The following MRPS31 variants were observed in gnomAD, a reference collection of about 807,000 sequenced individuals.
The protein encoded by MRPS31 is small ribosomal subunit protein mS31.
Under a neutral mutation model 43.1 loss-of-function variants are expected in MRPS31, and 32 were observed. That is an observed-to-expected ratio of 0.74 (90% CI 0.56 to 1.00). The LOEUF (loss-of-function observed/expected upper bound fraction) is 1.00. MRPS31 is among the 50% of genes least tolerant of loss of function. MRPS31 has a pLI of 0.00. For synonymous variants in MRPS31, 165 were observed against 161.6 expected (o/e 1.02, Z -0.16); for missense variants, 437 against 466.7 (o/e 0.94, Z 0.59).
At chr13:40,764,802 G>T (rs1880796485) in intron 2 of MRPS31, among the ~76,000 whole-genome samples, 1 of 152,170 alleles carries the variant, frequency 6.6e-6, no homozygotes. Context: ...TTCCAACTGA[G>T]GCCCCAGACA....
At chr13:40,761,124 C>T (rs1880683771) in intron 2 of MRPS31, among the ~76,000 whole-genome samples, 1 of 151,240 alleles carries the variant, frequency 6.6e-6, no homozygotes, top group South Asian at 2.1e-4. Flanking sequence ...AAAAATTAGC[C>T]AGGTGTGGTG....
intron 6 of MRPS31, among the ~76,000 whole-genome samples, chr13:40,736,928 A>G (rs1344027480): frequency 6.0e-5 from 9 of 150,698 alleles, no homozygotes; most frequent in Admixed American, 1.3e-4. Flanking sequence ...TTCACACATA[A>G]CAATATTAAC....
intron 6 of MRPS31, among the ~76,000 whole-genome samples, chr13:40,730,707 C>T (rs1284482697): frequency 6.6e-6 from 1 of 151,596 alleles, no homozygotes; most frequent in African/African-American, 2.4e-5. Flanking sequence ...ATTACAGGCG[C>T]CTGCCACCAC....
intron 6 of MRPS31, among the ~76,000 whole-genome samples, chr13:40,739,763 C>T (rs1880029248): frequency 6.6e-6 from 1 of 150,998 alleles, no homozygotes; most frequent in Admixed American, 6.6e-5. Context: ...TGGATCCCTT[C>T]CTTACACCTT....
chr13:40,749,093 A>T, intron 6 of MRPS31, 45 bp downstream of exon 6: 1 of 1,544,770 alleles, frequency 6.5e-7, no homozygotes, highest in East Asian at 2.4e-5. Flanking sequence ...TGGCAGAAAT[A>T]ATCTCAATCA....
At chr13:40,766,218 C>T (rs1385504843) in intron 2 of MRPS31, among the ~76,000 whole-genome samples, 1 of 152,160 alleles carries the variant, frequency 6.6e-6, no homozygotes, top group African/African-American at 2.4e-5. Flanking sequence ...CCTTTCCTTT[C>T]TCTGGATTGT....
At chr13:40,732,008 A>G (rs1023968876) in intron 6 of MRPS31, among the ~76,000 whole-genome samples, 24 of 152,344 alleles carry the variant, frequency 1.6e-4, no homozygotes, top group African/African-American at 4.6e-4. Flanking sequence ...AGGGTATACT[A>G]TATACAAAAA....
At chr13:40,736,859 A>C (rs1248008298) in intron 6 of MRPS31, among the ~76,000 whole-genome samples, 4 of 150,594 alleles carry the variant, frequency 2.7e-5, no homozygotes, top group South Asian at 4.2e-4. Context: ...AAGACTAGGA[A>C]GAAACTGCAT....
intron 2 of MRPS31, among the ~76,000 whole-genome samples, chr13:40,765,367 A>G (rs185707695): frequency 3.2e-4 from 49 of 152,332 alleles, no homozygotes; most frequent in Middle Eastern, 3.4e-3. Context: ...AAAAATTTTA[A>G]ATGACCTTTA....
chr13:40,759,017 A>G lies in MRPS31; in HGVS notation c.530T>C (p.Leu177Pro), dbSNP rs1361145095. 5 of 1,608,558 alleles carry G rather than the reference A, an allele frequency of 3.1e-6. No homozygotes were observed. Among genetic ancestry groups the G allele is most frequent in the Middle Eastern group, 1.7e-4 (1 of 6,050 alleles). The change falls in exon 3 of 7, where the codon CTG (leucine) becomes CCG (proline). Residue 177 changes from leucine to proline, a missense_variant. Transcript: ENST00000323563. ...PFDKQTTKSE[L>P]LSQLQQHEEE... The stretch of plus-strand genomic sequence containing the variant: ...CTCATGCTGCTGGAGCTGGCTCAGC[A>G]GCTCTGACTTGGTTGTTTGCTTATC...
chr13:40,755,035 G>A lies in MRPS31; in HGVS notation c.741-943C>T, dbSNP rs572464007. On this transcript the variant is annotated intron_variant, in intron 4 of 6. Transcript: ENST00000323563. ...GGCGATAAGAGCGAGACTCCGTCTC[G>A]AAGAAAAATAAAAAATAATAAACTG... Among the ~76,000 whole-genome samples, 174 of 152,104 alleles carry A rather than the reference G, an allele frequency of 1.1e-3. 2 individuals are homozygous for A. Among genetic ancestry groups the A allele is most frequent in the Non-Finnish European group, 1.6e-3 (110 of 68,002 alleles).
intron 5 of MRPS31, among the ~76,000 whole-genome samples, chr13:40,750,473 T>C (rs192641950): frequency 7.9e-5 from 12 of 152,172 alleles, no homozygotes; most frequent in Non-Finnish European, 1.8e-4. Context: ...TGGGTGTATA[T>C]ATTTGTCAAA....
intron 3 of MRPS31, among the ~76,000 whole-genome samples, chr13:40,757,740 G>C (rs1344283920): frequency 6.8e-6 from 1 of 145,988 alleles, no homozygotes; most frequent in Non-Finnish European, 1.5e-5. Context: ...CAGTGCGCCT[G>C]GCTTTTTTTT....
chr13:40,733,369 G>C (rs1879768259), intron 6 of MRPS31, among the ~76,000 whole-genome samples: 1 of 152,074 alleles, frequency 6.6e-6, no homozygotes, highest in Non-Finnish European at 1.5e-5. Flanking sequence ...TAAGATAATA[G>C]TTAAAGAATG....
intron 6 of MRPS31, among the ~76,000 whole-genome samples, chr13:40,740,027 C>T (rs1179538895): frequency 1.3e-5 from 2 of 149,136 alleles, no homozygotes; most frequent in Non-Finnish European, 1.5e-5. Flanking sequence ...AGAAAATTTT[C>T]GCAACCTACT....
chr13:40,748,265 C>A, intron 6 of MRPS31, among the ~76,000 whole-genome samples: 1 of 152,152 alleles, frequency 6.6e-6, no homozygotes, highest in East Asian at 1.9e-4. Flanking sequence ...TCAAACGATT[C>A]TCCTGCCTCA....
At chr13:40,734,332 G>A (rs1191728820) in intron 6 of MRPS31, among the ~76,000 whole-genome samples, 6 of 152,168 alleles carry the variant, frequency 3.9e-5, no homozygotes, top group Non-Finnish European at 7.3e-5. Context: ...GAAGTCCCAG[G>A]AGGAGGGCAA....
chr13:40,740,920 AAAACTT>A (rs1431333004), intron 6 of MRPS31, among the ~76,000 whole-genome samples: 1 of 149,110 alleles, frequency 6.7e-6, no homozygotes, highest in East Asian at 2.0e-4. Flanking sequence ...CATGTACCCT[AAAACTT>A]AAAGTATAAT....
intron 6 of MRPS31, among the ~76,000 whole-genome samples, chr13:40,734,155 CTA>C (rs2137992257): frequency 6.6e-6 from 1 of 152,128 alleles, no homozygotes; most frequent in East Asian, 1.9e-4. Flanking sequence ...TGAAATAAAA[CTA>C]TTTCCAATCT....
Sources: allele counts gnomAD v4.1 joint callset (sites outside exome capture counted in the v4.1 genomes callset), GRCh38; gene constraint gnomAD v4.1.1; transcripts MANE v1.5; gene names NCBI Gene and HGNC (gene_info 2026-07-23, HGNC 2026-07-21).